CFAP65: variants seen among roughly 807,000 people sequenced by gnomAD.
CFAP65 encodes the protein cilia and flagella associated protein 65.
A neutral mutation model predicts 208.0 loss-of-function variants in CFAP65; 155 were observed. The ratio of observed to expected loss-of-function variants is 0.75; its 90% CI spans 0.65 to 0.85. CFAP65 has a LOEUF of 0.85. Ranked by LOEUF, CFAP65 falls within the 40% of genes least tolerant of loss-of-function variation. The pLI is 0.00. For missense variants in CFAP65, 2,294 were observed against 2,451.3 expected, an observed-to-expected ratio of 0.94 and a Z score of 1.36; for synonymous variants, 970 against 986.3, an observed-to-expected ratio of 0.98 and a Z score of 0.31.
chr2:219,029,300 A>G (rs1947857985), intron 11 of CFAP65, 103 bp downstream of exon 11: 2 of 1,432,860 alleles, frequency 1.4e-6, no homozygotes, highest in South Asian at 1.4e-5. Flanking sequence ...AGACAGCCCT[A>G]GAAGTTCCAG....
rs1020986344 is a variant in CFAP65 at position 219,023,222 on chromosome 2, C to T, written c.2805G>A (p.Gln935=). The T allele has an allele frequency of 1.2e-6, 2 of 1,612,002 alleles. No homozygotes were observed. Among genetic ancestry groups the T allele is most frequent in the East Asian group, 2.2e-5 (1 of 44,864 alleles). Residue 935 remains glutamine, a synonymous_variant, in exon 16 of 35, where the codon CAG becomes CAA. Transcript: ENST00000341552. ...LAVQPSRGLI[Q]PNERLTLTWT... ...AGCCACTCACAAGTCTCTCGTTGGG[C>T]TGGATTAGCCCCCTGGAGGGCTGGA...
chr2:219,006,305 C>G (rs1469661815), intron 30 of CFAP65, 82 bp from the exon 31 acceptor site: 2 of 1,505,812 alleles, frequency 1.3e-6, no homozygotes, highest in African/African-American at 2.8e-5. Context: ...CCTAGTTCCC[C>G]CACAGGCTCT....
chr2:219,011,844 A>G (rs1014451289), intron 24 of CFAP65, among the ~76,000 whole-genome samples: 2 of 152,260 alleles, frequency 1.3e-5, no homozygotes, highest in African/African-American at 4.8e-5. Context: ...TTTGAGCTCC[A>G]GACCTGGTAC....
chr2:219,005,506 G>A lies in CFAP65; in HGVS notation c.4979C>T (p.Ser1660Phe), dbSNP rs767837240. 3.1e-6 allele frequency: 5 copies of A among 1,613,252 alleles called. No individual in the cohort carries two copies. Among genetic ancestry groups the A allele is most frequent in the Middle Eastern group, 1.7e-4 (1 of 5,790 alleles). ...REESETSEEK[S>F]PNKWGPVSKQ... ...GGAAACAGGGCCCCACTTGTTAGGG[G>A]ATTTTTCCTCAGAAGTCTCTGACTC... The change falls in exon 32 of 35, where the codon TCC becomes TTC. Residue 1660 changes from serine (S) to phenylalanine (F), a missense_variant. Coordinates refer to ENST00000341552, the MANE Select transcript of CFAP65 (RefSeq NM_194302.4).
At position 219,003,223 on chromosome 2, in the gene CFAP65, G is replaced by A; in HGVS notation, c.5605C>T (p.Gln1869Ter). ...LQEALLENMI[Q>*]NILVEASRGE... ...CGGCTCGCCTCCACCAGGATGTTCTGGATCATGTTCTCCAGCAGCGCCTCC... is the reference window on the plus strand; with the variant it reads ...CGGCTCGCCTCCACCAGGATGTTCTAGATCATGTTCTCCAGCAGCGCCTCC... Residue 1869 changes from glutamine (Q) to a stop codon, truncating the protein, a stop_gained, in exon 34 of 35, where the codon CAG (glutamine) becomes TAG (stop). Transcript: ENST00000341552. LOFTEE classifies it high-confidence loss of function. The surrounding 1 kb of genome is among the most constrained non-coding windows in gnomAD (Gnocchi z 4.4). The A allele has an allele frequency of 6.5e-7, 1 of 1,548,602 alleles. No individual in the cohort carries two copies.
rs1946410100 is a variant in CFAP65 at position 219,010,652 on chromosome 2, T to C, written c.4202A>G (p.Gln1401Arg). The stretch of plus-strand genomic sequence containing the variant: ...CATATGGGGGTTGTAGCCCACTCCC[T>C]GGAAGTGGATGAGGGCCGAGTTCCA... ...LGWNSALIHFQGVGYNPHMMG... is the reference protein window; with the variant it reads ...LGWNSALIHFRGVGYNPHMMG... Residue 1401 changes from glutamine to arginine, a missense_variant, in exon 26 of 35, where the codon CAG becomes CGG. This residue lies in a region of CFAP65 where 1,427 missense variants were observed against 1,438.7 expected (regional missense o/e 0.99). Coordinates refer to ENST00000341552, the MANE Select transcript of CFAP65 (RefSeq NM_194302.4). 6.2e-7 allele frequency: 1 copy of C among 1,610,684 alleles called. No individual in the cohort carries two copies. The highest frequency in any genetic ancestry group is 8.5e-7 in the Non-Finnish European group (1 of 1,179,112).
In CFAP65 at chr2:219,019,162, G is replaced by T; in HGVS notation, c.3491C>A (p.Pro1164His). ...GTCAAGCCTTAAAGGGGTGAGGACG[G>T]GGGGGATCTGGCTCATGCTGTGAGG... ...PTRHSMSQIPPVLTPLRLDFN... is the reference protein window; with the variant it reads ...PTRHSMSQIPHVLTPLRLDFN... The change falls in exon 21 of 35, where the codon CCC (proline) becomes CAC (histidine). Residue 1164 changes from proline to histidine, a missense_variant. Physicochemically the swap from Pro to His is moderately conservative, Grantham distance 77. Coordinates refer to ENST00000341552, the MANE Select transcript of CFAP65 (RefSeq NM_194302.4). 1.2e-6 allele frequency: 2 copies of T among 1,613,530 alleles called. No homozygotes were observed. The highest frequency in any genetic ancestry group is 2.2e-5 in the East Asian group (1 of 44,858).
intron 2 of CFAP65, among the ~76,000 whole-genome samples, chr2:219,039,882 A>G (rs981109125): frequency 1.5e-4 from 23 of 152,156 alleles, no homozygotes; most frequent in African/African-American, 5.5e-4. Context: ...TTTTTTGAAC[A>G]TATGTTTATT....
rs764581418 is a variant in CFAP65 at position 219,005,496 on chromosome 2, C to T, written c.4989G>A (p.Lys1663=). ...TCTTCTGCTTGGAAACAGGGCCCCA[C>T]TTGTTAGGGGATTTTTCCTCAGAAG... The part of the protein sequence containing the change: ...SETSEEKSPN[K]WGPVSKQKKQ... Residue 1663 remains lysine, a synonymous_variant, in exon 32 of 35, where the codon AAG becomes AAA. Coordinates refer to ENST00000341552, the MANE Select transcript of CFAP65 (RefSeq NM_194302.4). 4 of 1,613,606 alleles carry T rather than the reference C, an allele frequency of 2.5e-6. No homozygotes were observed. The highest frequency in any genetic ancestry group is 1.3e-5 in the African/African-American group (1 of 74,944).
Position 219,022,291 on chromosome 2 carries a change from C to T in CFAP65, c.2859G>A (p.Lys953=). The T allele has an allele frequency of 1.2e-6, 2 of 1,607,670 alleles. No individual in the cohort carries two copies. Among genetic ancestry groups the T allele is most frequent in the Non-Finnish European group, 1.7e-6 (2 of 1,177,292 alleles). Residue 953 remains lysine (K), a synonymous_variant, in exon 17 of 35, where the codon AAG becomes AAA. Coordinates refer to ENST00000341552, the MANE Select transcript of CFAP65 (RefSeq NM_194302.4). ...CCCACATCCCCACTTGGAACAGGTA[C>T]TTGGTCTCCTCCAAAGGGCTGAAGG... is the stretch of plus-strand genomic sequence containing the variant. The part of the protein sequence containing the change: ...TWTFSPLEET[K]YLFQVGMWVW...
intron 20 of CFAP65, 64 bp from the exon 21 acceptor site, chr2:219,019,243 A>T (rs1947111532): frequency 6.5e-7 from 1 of 1,536,490 alleles, no homozygotes; most frequent in Admixed American, 2.0e-5. Context: ...CCTCCCAGGG[A>T]TGGCTGGCTT....
chr2:219,030,397 G>C (rs1947937675), intron 9 of CFAP65, among the ~76,000 whole-genome samples, 189 bp from the exon 10 acceptor site: 1 of 152,196 alleles, frequency 6.6e-6, no homozygotes, highest in East Asian at 1.9e-4. Context: ...CCCTGCGCTG[G>C]GCCTGCCCAA....
intron 26 of CFAP65, 102 bp from the exon 27 acceptor site, chr2:219,010,187 A>T: frequency 1.6e-6 from 2 of 1,218,864 alleles, no homozygotes; most frequent in Non-Finnish European, 2.3e-6. Context: ...GAGGATCACG[A>T]GGTCAGAAAA....
Position 219,024,202 on chromosome 2 carries a change from T to C in CFAP65, c.2408A>G (p.Lys803Arg), listed in dbSNP as rs150978249. 110 of 1,613,874 alleles carry C rather than the reference T, an allele frequency of 6.8e-5. No individual in the cohort carries two copies. In the African/African-American group the frequency reaches 1.4e-3, roughly 20 times the overall value. Residue 803 changes from lysine (K) to arginine (R), a missense_variant, in exon 15 of 35, where the codon AAA (lysine) becomes AGA (arginine). This residue lies in a region of CFAP65 where 1,427 missense variants were observed against 1,438.7 expected (regional missense o/e 0.99). Coordinates refer to ENST00000341552, the MANE Select transcript of CFAP65 (RefSeq NM_194302.4). ...GCTGAAGGTCAGCAGCTTGCAGTCT[T>C]TGTTGACCAGGAGCAGGCTGCGGTA... ...PTYRSLLLVN[K>R]DCKLLTFSLA...
intron 24 of CFAP65, among the ~76,000 whole-genome samples, chr2:219,011,438 C>T (rs1362377056): frequency 4.6e-5 from 7 of 151,890 alleles, no homozygotes; most frequent in Non-Finnish European, 2.9e-5. Context: ...CCACACACAG[C>T]TGCTTCAAAA....
chr2:219,020,800 A>G (rs747759578), intron 19 of CFAP65, among the ~76,000 whole-genome samples: 47 of 152,230 alleles, frequency 3.1e-4, no homozygotes, highest in Middle Eastern at 3.4e-3. Context: ...CACACTCTCA[A>G]TTTCCTCTCT....
chr2:219,010,226 C>T (rs1013377176), intron 26 of CFAP65, 141 bp from the exon 27 acceptor site: 2 of 729,410 alleles, frequency 2.7e-6, no homozygotes, highest in Admixed American at 3.1e-5. Context: ...GCCCTTTTGA[C>T]ACCTTTCAAC....
intron 19 of CFAP65, among the ~76,000 whole-genome samples, chr2:219,019,933 A>G (rs1049437172): frequency 5.3e-5 from 8 of 152,174 alleles, no homozygotes; most frequent in Non-Finnish European, 8.8e-5. Flanking sequence ...TGCCTTATAC[A>G]CATGCCTGCA....
chr2:219,020,519 T>A (rs1437621115), intron 19 of CFAP65, among the ~76,000 whole-genome samples: 1 of 152,196 alleles, frequency 6.6e-6, no homozygotes, highest in East Asian at 1.9e-4. Context: ...TAGCTAGGAC[T>A]ACAGGTGCAT....
Sources: allele counts gnomAD v4.1 joint callset (sites outside exome capture counted in the v4.1 genomes callset), GRCh38; gene constraint gnomAD v4.1.1; regional missense constraint gnomAD v4.1.1; non-coding constraint Gnocchi (gnomAD v3.1); transcripts MANE v1.5; gene names NCBI Gene and HGNC (gene_info 2026-07-23, HGNC 2026-07-21).